CLHC1: variants seen among roughly 807,000 people sequenced by gnomAD.
CLHC1 encodes the protein clathrin heavy chain linker domain containing 1, also known as clathrin heavy chain linker domain-containing protein 1.
Under a neutral mutation model 69.5 loss-of-function variants are expected in CLHC1, and 72 were observed. The ratio of observed to expected loss-of-function variants is 1.04; its 90% CI spans 0.86 to 1.26. The LOEUF is 1.26. Ranked by LOEUF, CLHC1 falls within the 50% of genes most tolerant of loss-of-function variation. The pLI is 0.00. For missense variants in CLHC1, 790 were observed against 679.3 expected (o/e 1.16, Z -1.81); for synonymous variants, 223 against 224.3 (o/e 0.99, Z 0.05).
chr2:55,209,055 A>T lies in CLHC1; in HGVS notation c.815-345T>A, dbSNP rs541452526. Among the ~76,000 whole-genome samples the T allele has an allele frequency of 3.1e-4, 47 of 151,848 alleles. No individual in the cohort carries two copies. In the South Asian group the frequency reaches 9.4e-3, roughly 30 times the overall value. ...CCGGCTAATTTTTTGTATTTTTTTT[A>T]GTAGAGACGGGGTTTCACTGTGTTA... On this transcript the variant is annotated intron_variant, in intron 7 of 12. Coordinates refer to ENST00000401408, the MANE Select transcript of CLHC1 (RefSeq NM_152385.4).
At chr2:55,213,124 T>A (rs1367000362) in intron 4 of CLHC1, among the ~76,000 whole-genome samples, 1 of 152,256 alleles carries the variant, frequency 6.6e-6, no homozygotes, top group African/African-American at 2.4e-5. Flanking sequence ...TATATTAGTT[T>A]CCTGTGGCAA....
intron 9 of CLHC1, among the ~76,000 whole-genome samples, chr2:55,201,287 A>G (rs555038251): frequency 6.6e-6 from 1 of 152,172 alleles, no homozygotes; most frequent in Admixed American, 6.5e-5. Flanking sequence ...TAAGTAAGAA[A>G]AAAAGAGAGA....
intron 9 of CLHC1, among the ~76,000 whole-genome samples, chr2:55,188,484 G>T (rs6727131): frequency 0.31 from 47,370 of 151,778 alleles, 7,682 homozygotes; most frequent in African/African-American, 0.38. Context: ...ATAGGAAATC[G>T]CATACGTTAC....
intron 9 of CLHC1, 32 bp from the exon 10 acceptor site, chr2:55,181,776 T>C (rs1227679011): frequency 1.3e-6 from 2 of 1,565,472 alleles, no homozygotes; most frequent in African/African-American, 1.4e-5. Flanking sequence ...CTGAGTCAAA[T>C]ACTTTAAGAA....
At chr2:55,213,277 C>G (rs1466244496) in intron 4 of CLHC1, among the ~76,000 whole-genome samples, 1 of 152,152 alleles carries the variant, frequency 6.6e-6, no homozygotes, top group Non-Finnish European at 1.5e-5. Flanking sequence ...AGAATCTGTT[C>G]CTTGCCTTTT....
At chr2:55,210,169 GTTTTATTTTA>G (rs201842015) in intron 5 of CLHC1, among the ~76,000 whole-genome samples, 10 of 151,598 alleles carry the variant, frequency 6.6e-5, no homozygotes, top group South Asian at 2.1e-4. Flanking sequence ...CAGGCTAGCA[GTTTTATTTTA>G]TTTTATTTTA....
chr2:55,224,708 C>T (rs1402127400), intron 2 of CLHC1: 1 of 271,426 alleles, frequency 3.7e-6, no homozygotes, highest in Non-Finnish European at 7.8e-6. Flanking sequence ...GAAAGGAGTG[C>T]AGTTTATTCT....
At chr2:55,180,435 G>A (rs1053195974) in intron 11 of CLHC1, 75 bp downstream of exon 11, 1 of 1,039,830 alleles carries the variant, frequency 9.6e-7, no homozygotes, top group African/African-American at 1.6e-5. Flanking sequence ...TTAAAGTAGT[G>A]CTTGCTATTA....
intron 4 of CLHC1, among the ~76,000 whole-genome samples, chr2:55,215,322 T>C (rs1673394226): frequency 6.6e-6 from 1 of 152,188 alleles, no homozygotes; most frequent in Non-Finnish European, 1.5e-5. Flanking sequence ...TCAAATATTG[T>C]CTTTGTCCCA....
chr2:55,191,473 A>G (rs527396223), intron 9 of CLHC1, among the ~76,000 whole-genome samples: 17 of 152,274 alleles, frequency 1.1e-4, no homozygotes, highest in African/African-American at 4.1e-4. Flanking sequence ...TGACCTTGTG[A>G]TCTGCCCACC....
At position 55,181,725 on chromosome 2, in the gene CLHC1, T is replaced by C; in HGVS notation, c.1026A>G (p.Gly342=). ...NTFKAVGKIR[G]KPLPLLLFFE... Reference sequence around the variant, plus strand: ...AAAATAAGAGTAATGGAAGAGGCTTTCCTCTAATTTTTCCAACAGCTACAG... The same window carrying C: ...AAAATAAGAGTAATGGAAGAGGCTTCCCTCTAATTTTTCCAACAGCTACAG... Residue 342 remains glycine (G), a synonymous_variant, in exon 10 of 13, where the codon GGA becomes GGG. Coordinates refer to ENST00000401408, the MANE Select transcript of CLHC1 (RefSeq NM_152385.4). 1 of 1,611,656 alleles carries C rather than the reference T, an allele frequency of 6.2e-7. No homozygotes were observed. The highest frequency in any genetic ancestry group is 8.5e-7 in the Non-Finnish European group (1 of 1,179,432).
intron 5 of CLHC1, among the ~76,000 whole-genome samples, chr2:55,211,437 G>A (rs6720077): frequency 6.7e-6 from 1 of 148,382 alleles, no homozygotes; most frequent in East Asian, 2.0e-4. Flanking sequence ...AGGAGGCGGA[G>A]CTTGCAGTGA....
At chr2:55,209,033 G>A (rs1231918347) in intron 7 of CLHC1, among the ~76,000 whole-genome samples, 3 of 151,902 alleles carry the variant, frequency 2.0e-5, no homozygotes, top group Non-Finnish European at 4.4e-5. Flanking sequence ...ACCACACCCG[G>A]CTAATTTTTT....
In CLHC1 at chr2:55,194,867, G is replaced by C. The variant is rs149191610; in HGVS notation, c.1006+11403C>G. Among the ~76,000 whole-genome samples, 569 of 151,968 alleles carry C rather than the reference G, an allele frequency of 3.7e-3. 1 individual carries two copies. The highest frequency in any genetic ancestry group is 4.6e-3 in the Non-Finnish European group (314 of 67,950). ...ATCCATTACCTCTGTGTGTGTGTGTGTTTGTGCATGTGTATTGAGAACACT... is the reference window on the plus strand; with the variant it reads ...ATCCATTACCTCTGTGTGTGTGTGTCTTTGTGCATGTGTATTGAGAACACT... On this transcript the variant is annotated intron_variant, in intron 9 of 12. Coordinates refer to ENST00000401408, the MANE Select transcript of CLHC1 (RefSeq NM_152385.4).
intron 9 of CLHC1, among the ~76,000 whole-genome samples, chr2:55,199,677 T>G (rs1199242339): frequency 6.6e-6 from 1 of 152,154 alleles, no homozygotes; most frequent in African/African-American, 2.4e-5. Context: ...CAGTTTATAA[T>G]AATGGGTTAT....
chr2:55,204,498 C>A (rs1672251829), intron 9 of CLHC1, among the ~76,000 whole-genome samples: 1 of 152,162 alleles, frequency 6.6e-6, no homozygotes, highest in South Asian at 2.1e-4. Context: ...GAAAAGGGAA[C>A]CCTTGTACAC....
chr2:55,202,233 C>A (rs1467038115), intron 9 of CLHC1, among the ~76,000 whole-genome samples: 3 of 147,308 alleles, frequency 2.0e-5, no homozygotes, highest in East Asian at 2.0e-4. Flanking sequence ...TCTTTGTTTT[C>A]TGATGATGTA....
At chr2:55,229,540 G>A (rs1675058700) in intron 1 of CLHC1, among the ~76,000 whole-genome samples, 1 of 152,228 alleles carries the variant, frequency 6.6e-6, no homozygotes, top group East Asian at 1.9e-4. Flanking sequence ...TATGTAGCAT[G>A]TAGGGTCTTG....
chr2:55,194,515 C>G (rs1671212733), intron 9 of CLHC1, among the ~76,000 whole-genome samples: 1 of 151,758 alleles, frequency 6.6e-6, no homozygotes, highest in South Asian at 2.1e-4. Flanking sequence ...TTTATCACTT[C>G]TATTCAAAAC....
Sources: allele counts gnomAD v4.1 joint callset (sites outside exome capture counted in the v4.1 genomes callset), GRCh38; gene constraint gnomAD v4.1.1; transcripts MANE v1.5; gene names NCBI Gene and HGNC (gene_info 2026-07-23, HGNC 2026-07-21).